Variants in ESR1 observed in about 807,000 individuals in gnomAD.
ESR1 encodes the protein estrogen receptor.
A neutral mutation model predicts 52.7 loss-of-function variants in ESR1; 12 were observed. That is an observed-to-expected ratio of 0.23 (90% CI 0.15 to 0.37). The LOEUF (loss-of-function observed/expected upper bound fraction) is 0.37, where lower values mean the gene tolerates loss of function less well. Ranked by LOEUF, ESR1 falls within the 10% of genes least tolerant of loss-of-function variation. The pLI, the probability that ESR1 is intolerant of heterozygous loss-of-function variation, is 1.00. For missense variants in ESR1, 584 were observed against 779.7 expected (o/e 0.75, Z 2.99); for synonymous variants, 305 against 316.8 (o/e 0.96, Z 0.39).
chr6:151,808,944 C>G (rs1010168559), intron 1 of ESR1, among the ~76,000 whole-genome samples: 1 of 152,192 alleles, frequency 6.6e-6, no homozygotes, highest in Non-Finnish European at 1.5e-5. Flanking sequence ...CCTCCCCACC[C>G]CACGTCCTGG....
chr6:151,884,271 A>T (rs2128342820), intron 3 of ESR1, among the ~76,000 whole-genome samples: 1 of 152,340 alleles, frequency 6.6e-6, no homozygotes, highest in East Asian at 1.9e-4. Flanking sequence ...TGGCCACAGG[A>T]TACCCTCTAT....
chr6:151,718,874 C>A (rs1781248656), intron 2 of ESR1, among the ~76,000 whole-genome samples: 1 of 152,098 alleles, frequency 6.6e-6, no homozygotes, highest in Non-Finnish European at 1.5e-5. Context: ...TACCATGACA[C>A]TCCCCTCTTC....
In ESR1 at chr6:151,915,143, C is replaced by G. The variant is rs572139047; in HGVS notation, c.761-29030C>G. Among the ~76,000 whole-genome samples the G allele has an allele frequency of 1.1e-4, 16 of 151,240 alleles. No homozygotes were observed. The South Asian group carries it at 2.9e-3, about 28-fold the overall frequency. ...CAGGGAGTCGGAGGTTGCAGTGAGC[C>G]GAGATCATGCCATTGCACTCCAGCC... On this transcript the variant is annotated intron_variant, in intron 3 of 7. Transcript: ENST00000206249.
downstream of ESR1, among the ~76,000 whole-genome samples, chr6:152,105,007 GCTT>G (rs2051046222): frequency 6.6e-5 from 10 of 152,120 alleles, no homozygotes; most frequent in Admixed American, 2.0e-4. Context: ...TGTTGAGAGA[GCTT>G]CTAGGTTGGT....
chr6:151,989,083 C>A (rs930608847), intron 4 of ESR1, among the ~76,000 whole-genome samples: 11 of 152,018 alleles, frequency 7.2e-5, no homozygotes, highest in African/African-American at 2.7e-4. Flanking sequence ...AGAATGCATG[C>A]CTTAATGTAT....
intron 6 of ESR1, among the ~76,000 whole-genome samples, chr6:152,091,755 A>C (rs774480492): frequency 1.3e-5 from 2 of 151,992 alleles, no homozygotes; most frequent in Non-Finnish European, 2.9e-5. Flanking sequence ...TGCAAACAAT[A>C]AGAAGAGAAG....
At chr6:151,792,717 G>A (rs1271305665) in intron 2 of ESR1, among the ~76,000 whole-genome samples, 2 of 152,074 alleles carry the variant, frequency 1.3e-5, no homozygotes, top group Non-Finnish European at 2.9e-5. Flanking sequence ...GGGATTATAG[G>A]TGTGAGCTAC....
intron 4 of ESR1, among the ~76,000 whole-genome samples, chr6:151,989,858 T>G (rs2040846957): frequency 6.6e-6 from 1 of 152,104 alleles, no homozygotes; most frequent in Non-Finnish European, 1.5e-5. Context: ...ATACATGTCT[T>G]AAGGGTAGGG....
chr6:152,020,503 C>T (rs942121273), intron 5 of ESR1, among the ~76,000 whole-genome samples: 3 of 152,032 alleles, frequency 2.0e-5, no homozygotes, highest in African/African-American at 7.2e-5. Context: ...TAGACAGGAG[C>T]GCAGTGGTGT....
chr6:151,679,178 G>T (rs892712663), intron 1 of ESR1, among the ~76,000 whole-genome samples: 2 of 152,146 alleles, frequency 1.3e-5, no homozygotes, highest in African/African-American at 4.8e-5. Context: ...TCCTGACCCA[G>T]TTGTGGAAAA....
intron 6 of ESR1, among the ~76,000 whole-genome samples, chr6:152,068,588 G>A (rs1231892652): frequency 6.6e-6 from 1 of 152,138 alleles, no homozygotes; most frequent in Non-Finnish European, 1.5e-5. Flanking sequence ...TGACTTAATT[G>A]ATGCAGAACA....
At chr6:151,823,422 T>C (rs1002942866) in intron 1 of ESR1, among the ~76,000 whole-genome samples, 1 of 152,364 alleles carries the variant, frequency 6.6e-6, no homozygotes, top group Non-Finnish European at 1.5e-5. Flanking sequence ...TAAAGAAGGA[T>C]AATTTTTTTT....
At chr6:151,888,897 A>G (rs1462696505) in intron 3 of ESR1, among the ~76,000 whole-genome samples, 1 of 152,126 alleles carries the variant, frequency 6.6e-6, no homozygotes, top group African/African-American at 2.4e-5. Context: ...GAATTTTGTC[A>G]AATGCATTTT....
rs1176226510 is a variant in ESR1 at position 151,899,002 on chromosome 6, G to A, written c.760+18231G>A. 1.4e-4 allele frequency among the ~76,000 whole-genome samples: 21 copies of A among 151,130 alleles called. No individual in the cohort carries two copies. In the South Asian group the frequency reaches 2.7e-3, roughly 20 times the overall value. On this transcript the variant is annotated intron_variant, in intron 3 of 7. Transcript: ENST00000206249. ...CGGGCAGAGGCGCCCCTCACCTCCCGGACGGGGCGGCTGGCCGGGCGGGGG... is the reference window on the plus strand; with the variant it reads ...CGGGCAGAGGCGCCCCTCACCTCCCAGACGGGGCGGCTGGCCGGGCGGGGG...
chr6:151,916,953 T>G (rs565208934), intron 3 of ESR1, among the ~76,000 whole-genome samples: 3 of 152,312 alleles, frequency 2.0e-5, no homozygotes, highest in African/African-American at 7.2e-5. Flanking sequence ...GAGGCTTTAT[T>G]AAATCTCCAG....
rs577975781 is a variant in ESR1 at position 151,998,734 on chromosome 6, C to A, written c.1097-12922C>A. Among the ~76,000 whole-genome samples, 3 of 152,162 alleles carry A rather than the reference C, an allele frequency of 2.0e-5. No homozygotes were observed. The East Asian group carries it at 5.8e-4, about 29-fold the overall frequency. ...GAGTTAATTCTCATATGTTTGGTTA[C>A]CCTTCAAGTATTTATGTTTAGGATC... On this transcript the variant is annotated intron_variant, in intron 4 of 7. Transcript: ENST00000206249.
intron 5 of ESR1, among the ~76,000 whole-genome samples, chr6:152,037,138 G>C (rs909454360): frequency 1.4e-4 from 21 of 152,008 alleles, no homozygotes; most frequent in Admixed American, 1.4e-3. Context: ...CAATAGCATC[G>C]GCTTAGTTTA....
At chr6:151,701,173 G>A (rs113443149) in intron 1 of ESR1, among the ~76,000 whole-genome samples, 6,167 of 151,288 alleles carry the variant, frequency 0.041, 410 homozygotes, top group African/African-American at 0.14. Context: ...GTTTTGTTCT[G>A]CTGCTGCACA....
intron 6 of ESR1, among the ~76,000 whole-genome samples, chr6:152,077,310 C>T (rs940548150): frequency 1.1e-4 from 17 of 152,212 alleles, no homozygotes; most frequent in Non-Finnish European, 2.4e-4. Context: ...TGGGAACCTC[C>T]ACTTATATTT....
Sources: gnomAD v4.1 joint callset for allele counts (sites outside exome capture counted in the v4.1 genomes callset) on GRCh38, gnomAD v4.1.1 for gene constraint, MANE v1.5 for transcripts, NCBI Gene and HGNC (gene_info 2026-07-23, HGNC 2026-07-21) for gene names.